The following ZNF407 variants were observed in gnomAD, a reference collection of about 807,000 sequenced individuals.
ZNF407 encodes the protein zinc finger protein 407.
Under a neutral mutation model 131.2 loss-of-function variants are expected in ZNF407, and 17 were observed. The ratio of observed to expected loss-of-function variants is 0.13; its 90% CI spans 0.09 to 0.19. The LOEUF is 0.19. Ranked by LOEUF, ZNF407 falls within the 10% of genes least tolerant of loss-of-function variation. ZNF407 has a pLI of 1.00. For synonymous variants in ZNF407, 1,156 were observed against 1,062.0 expected (o/e 1.09, Z -1.72); for missense variants, 2,681 against 2,830.6 (o/e 0.95, Z 1.20).
chr18:74,763,705 A>ATTTTTTTTTTT (rs11340257), intron 3 of ZNF407, among the ~76,000 whole-genome samples: 2 of 70,228 alleles, frequency 2.8e-5, no homozygotes, highest in African/African-American at 1.0e-4. Flanking sequence ...CTTATCTTTG[A>ATTTTTTTTTTT]TTTTTTTTTT....
rs562064145 is a variant in ZNF407, at chr18:74,905,593, A to C, written c.5250-14921A>C. 3.9e-5 allele frequency: 6 copies of C among 152,372 alleles called. No individual in the cohort carries two copies. The East Asian group carries it at 1.2e-3, about 29-fold the overall frequency. The allele number at this position is 152,372 out of a possible 1,614,324, so 9.4% of individuals were successfully genotyped here. A position where few individuals can be genotyped will look rare whatever the true frequency, so the allele number is the denominator to read the frequency against. ...AACTTACAAGTTTCTTTCTCTTATG[A>C]GGCACTGTGCTGTTTTAGAATCACT... On this transcript the variant is annotated intron_variant, in intron 7 of 8. Transcript: ENST00000299687.
chr18:75,037,318 A>G (rs964617098), intron 8 of ZNF407, among the ~76,000 whole-genome samples: 3 of 152,206 alleles, frequency 2.0e-5, no homozygotes, highest in Admixed American at 2.0e-4. Flanking sequence ...ATTCCAGGAC[A>G]GTGATGTGCC....
chr18:74,816,770 A>G (rs1970272871), intron 4 of ZNF407, among the ~76,000 whole-genome samples: 1 of 152,178 alleles, frequency 6.6e-6, no homozygotes, highest in African/African-American at 2.4e-5. Flanking sequence ...AAATATATTA[A>G]TGATTTTGAG....
At chr18:74,805,009 T>C (rs944107582) in intron 4 of ZNF407, among the ~76,000 whole-genome samples, 14 of 152,210 alleles carry the variant, frequency 9.2e-5, no homozygotes, top group Non-Finnish European at 1.8e-4. Context: ...GCATTCACCA[T>C]AGCAATTGAC....
chr18:74,761,264 A>C (rs1291434065), intron 3 of ZNF407, among the ~76,000 whole-genome samples: 1 of 152,128 alleles, frequency 6.6e-6, no homozygotes, highest in Non-Finnish European at 1.5e-5. Context: ...AATGTTGCAG[A>C]AGTTATTGTC....
At chr18:74,624,650 A>T (rs772413969) in intron 1 of ZNF407, among the ~76,000 whole-genome samples, 3 of 152,114 alleles carry the variant, frequency 2.0e-5, no homozygotes, top group Admixed American at 6.5e-5. Context: ...CTTAATATGG[A>T]GCCTTCTGTG....
intron 4 of ZNF407, among the ~76,000 whole-genome samples, chr18:74,820,410 A>C (rs967288488): frequency 2.6e-5 from 4 of 152,204 alleles, no homozygotes; most frequent in Non-Finnish European, 5.9e-5. Context: ...TTCATCAGTC[A>C]GGTCATCTCC....
intron 4 of ZNF407, among the ~76,000 whole-genome samples, chr18:74,835,157 A>G (rs1970537598): frequency 6.6e-6 from 1 of 152,056 alleles, no homozygotes; most frequent in Non-Finnish European, 1.5e-5. Context: ...GACCTGGGAG[A>G]CAGCAACCAG....
intron 7 of ZNF407, among the ~76,000 whole-genome samples, chr18:74,911,976 A>G (rs986350576): frequency 2.0e-5 from 3 of 152,162 alleles, no homozygotes; most frequent in African/African-American, 4.8e-5. Flanking sequence ...GCCTGACATC[A>G]TAACAGACCT....
At chr18:74,722,224 G>A (rs755665367) in intron 3 of ZNF407, among the ~76,000 whole-genome samples, 3 of 151,608 alleles carry the variant, frequency 2.0e-5, no homozygotes, top group Non-Finnish European at 4.4e-5. Flanking sequence ...CGTATTTCTC[G>A]TAGGATCCTT....
chr18:75,049,887 A>C (rs1404999540), intron 8 of ZNF407, among the ~76,000 whole-genome samples: 1 of 152,156 alleles, frequency 6.6e-6, no homozygotes, highest in Non-Finnish European at 1.5e-5. Context: ...TTATCATCAT[A>C]TTATTACCGT....
At chr18:74,828,752 C>T (rs1970443512) in intron 4 of ZNF407, among the ~76,000 whole-genome samples, 1 of 129,562 alleles carries the variant, frequency 7.7e-6, no homozygotes, top group Non-Finnish European at 1.8e-5. Flanking sequence ...TCTTTTAAAA[C>T]ACCAATGTGA....
At chr18:74,729,164 C>T (rs1968232028) in intron 3 of ZNF407, among the ~76,000 whole-genome samples, 1 of 152,156 alleles carries the variant, frequency 6.6e-6, no homozygotes, top group Non-Finnish European at 1.5e-5. Context: ...TAATTTGTTG[C>T]TTCTACTAAA....
chr18:75,016,234 A>G (rs1973042753), intron 8 of ZNF407, among the ~76,000 whole-genome samples: 1 of 152,082 alleles, frequency 6.6e-6, no homozygotes, highest in African/African-American at 2.4e-5. Flanking sequence ...GTCAAAAACC[A>G]TGACCGTTTC....
chr18:74,704,222 C>T (rs117342678), intron 3 of ZNF407, among the ~76,000 whole-genome samples: 1,539 of 152,286 alleles, frequency 0.01, 13 homozygotes, highest in Non-Finnish European at 0.017. Context: ...ACCAGGCCAT[C>T]GCTGCGCTTC....
chr18:74,864,390 CAAGT>C (rs1159884803), intron 4 of ZNF407, among the ~76,000 whole-genome samples: 1 of 152,130 alleles, frequency 6.6e-6, no homozygotes, highest in Non-Finnish European at 1.5e-5. Flanking sequence ...GCTGAAAAAA[CAAGT>C]AAGCTGCCAC....
At chr18:74,676,437 ATTTTTTT>A (rs1178240160) in intron 3 of ZNF407, among the ~76,000 whole-genome samples, 1 of 119,690 alleles carries the variant, frequency 8.4e-6, no homozygotes, top group Admixed American at 8.9e-5. Flanking sequence ...GTGATATAGC[ATTTTTTT>A]TTTTTTTTTT....
At chr18:75,017,936 T>C (rs1431299785) in intron 8 of ZNF407, among the ~76,000 whole-genome samples, 2 of 152,302 alleles carry the variant, frequency 1.3e-5, no homozygotes, top group South Asian at 4.1e-4. Flanking sequence ...TTTTAACTAA[T>C]TTCTAGCAAA....
At chr18:74,638,933 C>T (rs1035617896) in intron 2 of ZNF407, among the ~76,000 whole-genome samples, 2 of 151,506 alleles carry the variant, frequency 1.3e-5, no homozygotes, top group Non-Finnish European at 2.9e-5. Flanking sequence ...TTCTTTAATG[C>T]GGAGAAGTAT....
Sources: gnomAD v4.1 joint callset for allele counts (sites outside exome capture counted in the v4.1 genomes callset) on GRCh38, gnomAD v4.1.1 for gene constraint, MANE v1.5 for transcripts, NCBI Gene and HGNC (gene_info 2026-07-23, HGNC 2026-07-21) for gene names.